OSGIN2: variants seen among roughly 807,000 people sequenced by gnomAD.
OSGIN2 encodes the protein oxidative stress induced growth inhibitor family member 2.
In OSGIN2, 19 loss-of-function variants were observed where a neutral mutation model predicts 53.8. The ratio of observed to expected loss-of-function variants is 0.35; its 90% CI spans 0.25 to 0.52. The LOEUF is 0.52. Ranked by LOEUF, OSGIN2 falls within the 20% of genes least tolerant of loss-of-function variation. The pLI is 0.95. For synonymous variants in OSGIN2, 236 were observed against 236.0 expected (o/e 1.00, Z 0.00); for missense variants, 520 against 662.7 (o/e 0.78, Z 2.36).
At chr8:89,904,823 A>C (rs952637594) in intron 1 of OSGIN2, among the ~76,000 whole-genome samples, 1 of 152,202 alleles carries the variant, frequency 6.6e-6, no homozygotes, top group African/African-American at 2.4e-5. Context: ...AAAAACAAAA[A>C]ACACACAAAA....
At chr8:89,921,455 T>A (rs919634555) in intron 5 of OSGIN2, 1 of 290,164 alleles carries the variant, frequency 3.4e-6, no homozygotes, top group African/African-American at 2.2e-5. Flanking sequence ...TTAGTTACTT[T>A]CTCATCCATC....
At position 89,914,202 on chromosome 8, in the gene OSGIN2, A is replaced by G. The variant is rs760158005; in HGVS notation, c.325A>G (p.Ile109Val). The change falls in exon 3 of 6, where the codon ATT becomes GTT. Residue 109 changes from isoleucine (I) to valine (V), a missense_variant. Ile to Val is a conservative substitution (Grantham distance 29). Around this residue, in one of 3 missense-constraint regions of OSGIN2, gnomAD observed 203 missense variants for 275.3 expected, o/e 0.74. Transcript: ENST00000451899. Reference protein sequence around the residue: ...SKLEEARHLSIVDQDLEYLSE... With the variant: ...SKLEEARHLSVVDQDLEYLSE... ...ATTAGAAGAAGCAAGACATCTTTCC[A>G]TTGTTGATCAGGTATTATTTCTTAC... 9 of 1,598,268 alleles carry G rather than the reference A, an allele frequency of 5.6e-6. No individual in the cohort carries two copies. In the South Asian group the frequency reaches 1.0e-4, roughly 18 times the overall value.
rs1324121563 is a variant in OSGIN2, at chr8:89,925,803, T to C, written c.*271T>C. ...TAAAACATTCTTTTCTTGCAAAACT[T>C]ATTTTTCATGATCATTTTTGGTTAT... is the stretch of plus-strand genomic sequence containing the variant. On this transcript the variant is annotated 3_prime_UTR_variant, in exon 6 of 6. Coordinates refer to ENST00000451899, the MANE Select transcript of OSGIN2 (RefSeq NM_001126111.3). 1 of 342,654 alleles carries C rather than the reference T, an allele frequency of 2.9e-6. No individual in the cohort carries two copies. Among genetic ancestry groups the C allele is most frequent in the Non-Finnish European group, 5.3e-6 (1 of 188,224 alleles). 21.2% of individuals were successfully genotyped at this position (342,654 alleles called of 1,614,324 possible).
intron 4 of OSGIN2, among the ~76,000 whole-genome samples, chr8:89,916,781 T>TC (rs1289558918): frequency 2.6e-4 from 39 of 152,178 alleles, no homozygotes; most frequent in African/African-American, 9.2e-4. Flanking sequence ...CTGCTTCTGC[T>TC]CCCTTTCTTG....
chr8:89,914,476 G>C (rs1185080167), intron 3 of OSGIN2, 79 bp from the exon 4 acceptor site: 1 of 1,043,334 alleles, frequency 9.6e-7, no homozygotes, highest in Admixed American at 2.3e-5. Flanking sequence ...TATCATTGGA[G>C]CATCATGGTA....
chr8:89,907,086 A>G (rs1012726581), intron 1 of OSGIN2, among the ~76,000 whole-genome samples: 1 of 151,948 alleles, frequency 6.6e-6, no homozygotes, highest in Non-Finnish European at 1.5e-5. Flanking sequence ...GTGTCTGTTC[A>G]TGTCCTTTGC....
intron 4 of OSGIN2, among the ~76,000 whole-genome samples, chr8:89,919,902 A>T (rs1464175780): frequency 6.6e-6 from 1 of 152,176 alleles, no homozygotes; most frequent in Non-Finnish European, 1.5e-5. Context: ...TACAGTGTCC[A>T]TGGCAGCTTG....
chr8:89,920,366 A>C (rs1262019478), intron 4 of OSGIN2, among the ~76,000 whole-genome samples: 4 of 152,236 alleles, frequency 2.6e-5, no homozygotes, highest in African/African-American at 9.6e-5. Flanking sequence ...ATTATGAGAA[A>C]AGGAGCCACT....
intron 4 of OSGIN2, among the ~76,000 whole-genome samples, chr8:89,920,732 C>G (rs554770759): frequency 6.6e-6 from 1 of 152,220 alleles, no homozygotes; most frequent in Admixed American, 6.5e-5. Context: ...AATGAATATA[C>G]TGAATTTTTG....
rs190865800 is a variant in OSGIN2, at chr8:89,909,526, T to C, written c.45-41T>C. ...AGATTGATTTTTATAAAGGCTATAT[T>C]GACTATATCTCTTTTTATTCCCCCT... On this transcript the variant is annotated intron_variant, in intron 1 of 5. Transcript: ENST00000451899. 169 of 1,126,764 alleles carry C rather than the reference T, an allele frequency of 1.5e-4. 1 individual carries two copies. In the Admixed American group the frequency reaches 2.8e-3, roughly 19 times the overall value. The allele number at this position is 1,126,764 out of a possible 1,614,324, so 69.8% of individuals were successfully genotyped here.
At chr8:89,920,945 T>C (rs961606692) in intron 4 of OSGIN2, 135 bp from the exon 5 acceptor site, 2 of 556,428 alleles carry the variant, frequency 3.6e-6, no homozygotes, top group Admixed American at 3.0e-5. Flanking sequence ...GCCAACCATT[T>C]AGGACTGCAG....
At chr8:89,918,095 G>A (rs1291659027) in intron 4 of OSGIN2, among the ~76,000 whole-genome samples, 4 of 151,986 alleles carry the variant, frequency 2.6e-5, no homozygotes, top group East Asian at 3.9e-4. Flanking sequence ...TTCTGCCACC[G>A]GTTTTCCATT....
At chr8:89,903,416 A>G (rs1415159849) in intron 1 of OSGIN2, among the ~76,000 whole-genome samples, 1 of 152,228 alleles carries the variant, frequency 6.6e-6, no homozygotes, top group East Asian at 1.9e-4. Context: ...TATGTTTTCT[A>G]GATCTAGCAC....
intron 1 of OSGIN2, among the ~76,000 whole-genome samples, chr8:89,905,517 C>T (rs1040799676): frequency 6.6e-6 from 1 of 152,126 alleles, no homozygotes; most frequent in African/African-American, 2.4e-5. Flanking sequence ...ATAACTTAAG[C>T]TCTGAATTTT....
At chr8:89,903,248 C>T (rs1045346065) in intron 1 of OSGIN2, among the ~76,000 whole-genome samples, 1 of 152,210 alleles carries the variant, frequency 6.6e-6, no homozygotes, top group African/African-American at 2.4e-5. Context: ...AACTACATTT[C>T]AGTGTCATCT....
chr8:89,913,994 C>A, intron 2 of OSGIN2, 83 bp from the exon 3 acceptor site: 1 of 1,116,358 alleles, frequency 9.0e-7, no homozygotes, highest in Non-Finnish European at 1.3e-6. Context: ...GAGAAAAGAG[C>A]CATCTTCAAA....
At chr8:89,924,283 T>C (rs777485686) in intron 5 of OSGIN2, among the ~76,000 whole-genome samples, 4 of 152,212 alleles carry the variant, frequency 2.6e-5, no homozygotes, top group Non-Finnish European at 4.4e-5. Flanking sequence ...GCATTAAATA[T>C]AGTCTCTGCT....
intron 4 of OSGIN2, among the ~76,000 whole-genome samples, chr8:89,919,119 T>G (rs974802607): frequency 3.9e-5 from 6 of 152,204 alleles, no homozygotes; most frequent in Admixed American, 3.3e-4. Context: ...CTAGCCCTTA[T>G]TAGGTTTCTT....
intron 3 of OSGIN2, 52 bp from the exon 4 acceptor site, chr8:89,914,503 A>G (rs375698560): frequency 1.3e-5 from 18 of 1,383,214 alleles, no homozygotes; most frequent in Non-Finnish European, 1.8e-5. Context: ...AGAATATACT[A>G]TCTGGGAAAT....
Sources: allele counts gnomAD v4.1 joint callset (sites outside exome capture counted in the v4.1 genomes callset), GRCh38; gene constraint gnomAD v4.1.1; regional missense constraint gnomAD v4.1.1; transcripts MANE v1.5; gene names NCBI Gene and HGNC (gene_info 2026-07-23, HGNC 2026-07-21).